The following HELB variants were observed in gnomAD, a reference collection of about 807,000 sequenced individuals.
HELB encodes the protein DNA 5'-3' helicase B.
Under a neutral mutation model 101.7 loss-of-function variants are expected in HELB, and 96 were observed. The ratio of observed to expected loss-of-function variants is 0.94; its 90% CI spans 0.80 to 1.12. HELB has a LOEUF of 1.12. HELB is among the 50% of genes most tolerant of loss of function. The probability of loss-of-function intolerance (pLI) is 0.00; values close to 1 mark genes in which losing one functional copy is unlikely to be tolerated. For missense variants in HELB, 1,210 were observed against 1,291.9 expected (o/e 0.94, Z 0.97); for synonymous variants, 437 against 459.7 (o/e 0.95, Z 0.63).
rs1565638570 is a variant in HELB, at chr12:66,315,204, C to T, written c.1859-38C>T. 6 of 1,441,444 alleles carry T rather than the reference C, an allele frequency of 4.2e-6. No individual in the cohort carries two copies. In the African/African-American group the frequency reaches 4.3e-5, roughly 10 times the overall value. The allele number at this position is 1,441,444 out of a possible 1,614,324, so 89.3% of individuals were successfully genotyped here. On this transcript the variant is annotated intron_variant, in intron 5 of 12. Coordinates refer to ENST00000247815, the MANE Select transcript of HELB (RefSeq NM_001370285.1). ...AAACAATCTTGGGGGTATTTTTTCT[C>T]AGAGTAAGTCTTGCTACTGTATCTT...
intron 9 of HELB, among the ~76,000 whole-genome samples, chr12:66,323,470 G>C (rs1483723196): frequency 6.6e-6 from 1 of 152,170 alleles, no homozygotes; most frequent in Non-Finnish European, 1.5e-5. Context: ...CCAAGTTGTA[G>C]TAAGAATGAA....
Position 66,314,108 on chromosome 12 carries a change from A to G in HELB, c.1803A>G (p.Lys601=), listed in dbSNP as rs1480692630. The change falls in exon 5 of 13, where the codon AAA becomes AAG. Residue 601 remains lysine (K), a synonymous_variant. Coordinates refer to ENST00000247815, the MANE Select transcript of HELB (RefSeq NM_001370285.1). ...GTTTGGTATCTGTAGGAATCTTCAA[A>G]TCGGTCTTAAATTTATTGTGTGAGC... is the stretch of plus-strand genomic sequence containing the variant. The part of the protein sequence containing the change: ...EGSLVSVGIF[K]SVLNLLCEHS... The G allele has an allele frequency of 1.9e-6, 3 of 1,613,874 alleles. No individual in the cohort carries two copies. Among genetic ancestry groups the G allele is most frequent in the Non-Finnish European group, 2.5e-6 (3 of 1,179,806 alleles).
intron 6 of HELB, among the ~76,000 whole-genome samples, chr12:66,316,758 G>A (rs1207810844): frequency 1.3e-5 from 2 of 151,992 alleles, no homozygotes; most frequent in African/African-American, 2.4e-5. Context: ...GGTGGCTCAT[G>A]CCTGTAATCC....
chr12:66,314,205 G>C (rs1211117136), intron 5 of HELB, 42 bp downstream of exon 5: 1 of 1,573,990 alleles, frequency 6.4e-7, no homozygotes, highest in South Asian at 1.1e-5. Flanking sequence ...TTATTTCAAA[G>C]TATTGTGGTT....
rs766294170 is a variant in HELB, at chr12:66,315,208, G to A, written c.1859-34G>A. 3.4e-6 allele frequency: 5 copies of A among 1,475,856 alleles called. No individual in the cohort carries two copies. The African/African-American group carries it at 7.1e-5, about 21-fold the overall frequency. The allele number at this position is 1,475,856 out of a possible 1,614,324, so 91.4% of individuals were successfully genotyped here. Reference sequence around the variant, plus strand: ...AATCTTGGGGGTATTTTTTCTCAGAGTAAGTCTTGCTACTGTATCTTTTTT... The same window carrying A: ...AATCTTGGGGGTATTTTTTCTCAGAATAAGTCTTGCTACTGTATCTTTTTT... On this transcript the variant is annotated intron_variant, in intron 5 of 12. Coordinates refer to ENST00000247815, the MANE Select transcript of HELB (RefSeq NM_001370285.1).
In HELB at chr12:66,338,113, A is replaced by T. The variant is rs755519248; in HGVS notation, c.*11A>T. 2 of 1,370,142 alleles carry T rather than the reference A, an allele frequency of 1.5e-6. No homozygotes were observed. The highest frequency in any genetic ancestry group is 2.1e-6 in the Non-Finnish European group (2 of 959,682). 84.9% of individuals were successfully genotyped at this position (1,370,142 alleles called of 1,614,324 possible). A position where few individuals can be genotyped will look rare whatever the true frequency, so the allele number is the denominator to read the frequency against. On this transcript the variant is annotated 3_prime_UTR_variant, in exon 13 of 13. Coordinates refer to ENST00000247815, the MANE Select transcript of HELB (RefSeq NM_001370285.1). ...AATCAAGAAACTTAGTTTTATTTCAAATTGTTCCGAGTAACTATGTTTTTC... is the reference window on the plus strand; with the variant it reads ...AATCAAGAAACTTAGTTTTATTTCATATTGTTCCGAGTAACTATGTTTTTC...
chr12:66,322,391 C>T (rs2053680337), intron 8 of HELB, among the ~76,000 whole-genome samples: 1 of 151,562 alleles, frequency 6.6e-6, no homozygotes, highest in Non-Finnish European at 1.5e-5. Context: ...GGTGAAACCC[C>T]TCCTGCCTAC....
chr12:66,326,349 T>C (rs1039784210), intron 11 of HELB, among the ~76,000 whole-genome samples: 3 of 152,110 alleles, frequency 2.0e-5, no homozygotes, highest in Non-Finnish European at 4.4e-5. Context: ...TTCAAGTGAT[T>C]CTCCTGCCTC....
chr12:66,330,817 A>G (rs576671347), intron 11 of HELB, among the ~76,000 whole-genome samples: 3 of 151,790 alleles, frequency 2.0e-5, no homozygotes, highest in African/African-American at 7.2e-5. Flanking sequence ...ATTATATGTA[A>G]TAATGGGTTA....
At chr12:66,312,008 G>A (rs1165065312) in intron 4 of HELB, among the ~76,000 whole-genome samples, 2 of 152,204 alleles carry the variant, frequency 1.3e-5, no homozygotes, top group Non-Finnish European at 2.9e-5. Flanking sequence ...GGATTTTGAG[G>A]TGACTTCATT....
At chr12:66,343,316 GTGCAA>G (rs2053930981) in intron 13 of HELB, 1 of 152,340 alleles carries the variant, frequency 6.6e-6, no homozygotes, top group Admixed American at 6.5e-5. Context: ...GAGTGCAGTG[GTGCAA>G]TCACAGCTCA....
chr12:66,324,232 A>G (rs889834064), intron 10 of HELB, 21 bp downstream of exon 10: 3 of 1,471,898 alleles, frequency 2.0e-6, no homozygotes, highest in African/African-American at 2.8e-5. Flanking sequence ...ACAGAAGATA[A>G]TATCTTTTAA....
Position 66,310,204 on chromosome 12 carries a change from G to A in HELB, c.1276G>A (p.Asp426Asn), listed in dbSNP as rs1340862923. The change falls in exon 4 of 13, where the codon GAC (aspartate) becomes AAC (asparagine). Residue 426 changes from aspartate (D) to asparagine (N), a missense_variant. Physicochemically the swap from Asp to Asn is conservative, Grantham distance 23. Around this residue, in one of 2 missense-constraint regions of HELB, gnomAD observed 470 missense variants for 563.1 expected, o/e 0.83. Transcript: ENST00000247815. ...TGTTGTGGACACACAGGACAATGGT[G>A]ACCATATTTGGACTAATGGTGAAAA... is the stretch of plus-strand genomic sequence containing the variant. Reference protein sequence around the residue: ...VDVVDTQDNGDHIWTNGENEI... With the variant: ...VDVVDTQDNGNHIWTNGENEI... The A allele has an allele frequency of 3.1e-6, 5 of 1,614,034 alleles. No individual in the cohort carries two copies. The African/African-American group carries it at 4.0e-5, about 13-fold the overall frequency.
In HELB at chr12:66,324,038, A is replaced by G. The variant is rs1254114075; in HGVS notation, c.2353A>G (p.Asn785Asp). The G allele has an allele frequency of 6.2e-7, 1 of 1,613,538 alleles. No homozygotes were observed. Among genetic ancestry groups the G allele is most frequent in the Non-Finnish European group, 8.5e-7 (1 of 1,179,728 alleles). The change falls in exon 10 of 13, where the codon AAT (asparagine) becomes GAT (aspartate). Residue 785 changes from asparagine to aspartate, a missense_variant. Coordinates refer to ENST00000247815, the MANE Select transcript of HELB (RefSeq NM_001370285.1). ...GIGDKICCTR[N>D]AYLSDLLPEN... ...TGGTGATAAAATTTGTTGTACCAGG[A>G]ATGCATACCTCTCAGACTTACTACC...
rs773684364 is a variant in HELB, at chr12:66,324,110, A to C, written c.2425A>C (p.Ser809Arg). The C allele has an allele frequency of 3.1e-6, 5 of 1,613,730 alleles. No homozygotes were observed. The Admixed American group carries it at 8.3e-5, about 27-fold the overall frequency. ...SQQNNDLDASSEDFSGTLPDF... is the reference protein window; with the variant it reads ...SQQNNDLDASREDFSGTLPDF... ...GCAAAATAATGATCTAGATGCCAGT[A>C]GTGAAGACTTTTCTGGTACGCTTCC... The change falls in exon 10 of 13, where the codon AGT becomes CGT. Residue 809 changes from serine (S) to arginine (R), a missense_variant. Around this residue, in one of 2 missense-constraint regions of HELB, gnomAD observed 740 missense variants for 728.8 expected, o/e 1.02. Transcript: ENST00000247815.
chr12:66,315,398 A>G lies in HELB; in HGVS notation c.2000+15A>G. 6.6e-7 allele frequency: 1 copy of G among 1,507,058 alleles called. No individual in the cohort carries two copies. The allele number at this position is 1,507,058 out of a possible 1,614,324, so 93.4% of individuals were successfully genotyped here. ...AATGCTACAAGGTATAATATTACTA[A>G]GAGTTTGCATTTTCTGTCTGTTGTA... On this transcript the variant is annotated intron_variant, in intron 6 of 12. Transcript: ENST00000247815.
At chr12:66,336,938 G>T (rs1045408508) in intron 12 of HELB, among the ~76,000 whole-genome samples, 1 of 152,222 alleles carries the variant, frequency 6.6e-6, no homozygotes, top group Non-Finnish European at 1.5e-5. Flanking sequence ...AGTAGGGAAT[G>T]AGTTCTCAGC....
At chr12:66,335,828 G>A (rs1037721016) in intron 12 of HELB, among the ~76,000 whole-genome samples, 2 of 152,096 alleles carry the variant, frequency 1.3e-5, no homozygotes, top group African/African-American at 4.8e-5. Flanking sequence ...TATAGCAGAG[G>A]GAAGATAAAG....
At chr12:66,338,327 T>TACATATATATTTATATAC, downstream of HELB, 1 of 360,426 alleles carries the variant, frequency 2.8e-6, no homozygotes, top group Non-Finnish European at 5.0e-6. Flanking sequence ...ATATTTTATA[T>TACATATATATTTATATAC]ACATATATAT....
Sources: gnomAD v4.1 joint callset for allele counts (sites outside exome capture counted in the v4.1 genomes callset) on GRCh38, gnomAD v4.1.1 for gene constraint, gnomAD v4.1.1 regional missense constraint, MANE v1.5 for transcripts, NCBI Gene and HGNC (gene_info 2026-07-23, HGNC 2026-07-21) for gene names.